The following KMT2B variants were observed in gnomAD, a reference collection of about 807,000 sequenced individuals.
The protein encoded by KMT2B is histone-lysine N-methyltransferase 2B.
A neutral mutation model predicts 255.3 loss-of-function variants in KMT2B; 22 were observed. The observed-to-expected ratio is 0.09, with a 90% CI of 0.06 to 0.12. KMT2B has a LOEUF of 0.12. Among genes scored for constraint, KMT2B ranks in the 10% least tolerant of loss-of-function variants. The pLI is 1.00. For missense variants in KMT2B, 3,149 were observed against 3,737.0 expected, an observed-to-expected ratio of 0.84 and a Z score of 4.10; for synonymous variants, 1,730 against 1,498.1, an observed-to-expected ratio of 1.15 and a Z score of -3.57.
rs1425571397 is a variant in KMT2B, at chr19:35,720,071, G to A, written c.724G>A (p.Glu242Lys). 2 of 1,608,020 alleles carry A rather than the reference G, an allele frequency of 1.2e-6. No individual in the cohort carries two copies. The highest frequency in any genetic ancestry group is 1.7e-6 in the Non-Finnish European group (2 of 1,177,238). Residue 242 changes from glutamate (E) to lysine (K), a missense_variant, in exon 3 of 37, where the codon GAA becomes AAA. Around this residue, in one of 18 missense-constraint regions of KMT2B, gnomAD observed 1,188 missense variants for 1,106.4 expected, o/e 1.07. Transcript: ENST00000420124. ...GAAGCAGCAAGCAGTAGTGGTGGCA[G>A]AAGCAGCTGTGACAATCCCCAAACC... Reference protein sequence around the residue: ...RRKQQAVVVAEAAVTIPKPEP... With the variant: ...RRKQQAVVVAKAAVTIPKPEP...
chr19:35,738,590 TC>T lies in KMT2B; in HGVS notation c.*35del, dbSNP rs745920954. On this transcript the variant is annotated 3_prime_UTR_variant, in exon 37 of 37. Transcript: ENST00000420124. The surrounding 1 kb of genome is among the most constrained non-coding windows in gnomAD (Gnocchi z 8.7). ...GCTGCCCACCACGACCCCTCACACC[TC>T]CTGCTGCCGTCGCTGCCATCTTGCC... is the stretch of plus-strand genomic sequence containing the variant. 9.4e-6 allele frequency: 15 copies of T among 1,597,010 alleles called. No individual in the cohort carries two copies. In the Admixed American group the frequency reaches 2.5e-4, roughly 27 times the overall value.
chr19:35,726,412 T>C (rs769002467), intron 14 of KMT2B, 59 bp downstream of exon 14: 124 of 1,134,898 alleles, frequency 1.1e-4, no homozygotes, highest in Non-Finnish European at 1.4e-4. Flanking sequence ...CCAGGCTCTT[T>C]TACAGGCTTT....
rs1264213973 is a variant in KMT2B, at chr19:35,723,175, A to G, written c.2903A>G (p.His968Arg). The change falls in exon 6 of 37, where the codon CAC becomes CGC. Residue 968 changes from histidine to arginine, a missense_variant. By Grantham distance (29) the His-to-Arg change is conservative. Transcript: ENST00000420124. The surrounding 1 kb of genome is among the most constrained non-coding windows in gnomAD (Gnocchi z 7.5). ...GKKMRMARCGHCRGCLRVQDC... is the reference protein window; with the variant it reads ...GKKMRMARCGRCRGCLRVQDC... ...AAGATGCGCATGGCTCGATGTGGAC[A>G]CTGTCGGGGCTGCCTACGTGTGCAG... 7 of 1,613,296 alleles carry G rather than the reference A, an allele frequency of 4.3e-6. No homozygotes were observed. The highest frequency in any genetic ancestry group is 2.2e-5 in the East Asian group (1 of 44,872).
At position 35,720,690 on chromosome 19, in the gene KMT2B, C is replaced by T; in HGVS notation, c.1343C>T (p.Pro448Leu). The T allele has an allele frequency of 6.7e-7, 1 of 1,482,290 alleles. No individual in the cohort carries two copies. Among genetic ancestry groups the T allele is most frequent in the Non-Finnish European group, 8.9e-7 (1 of 1,118,556 alleles). 91.8% of individuals were successfully genotyped at this position (1,482,290 alleles called of 1,614,324 possible). ...CCTCTACCATCCCCTCCACCGCCTC[C>T]TGCCCAAGAGGAGCAGGAGGAATCC... ...PPPLPSPPPP[P>L]AQEEQEESPP... The change falls in exon 3 of 37, where the codon CCT becomes CTT. Residue 448 changes from proline to leucine, a missense_variant. By Grantham distance (98) the Pro-to-Leu change is moderately conservative (BLOSUM62 -3). Around this residue, in one of 18 missense-constraint regions of KMT2B, gnomAD observed 1,188 missense variants for 1,106.4 expected, o/e 1.07. Transcript: ENST00000420124.
In KMT2B at chr19:35,728,010, G is replaced by C. The variant is rs756473080; in HGVS notation, c.4497+25G>C. 5 of 1,548,998 alleles carry C rather than the reference G, an allele frequency of 3.2e-6. No homozygotes were observed. In the African/African-American group the frequency reaches 5.4e-5, roughly 17 times the overall value. ...GGTGAGCTCTTCCGGGGATGCTTGTGGGGTGGGGGAGTGGGACCTTCAGAC... is the reference window on the plus strand; with the variant it reads ...GGTGAGCTCTTCCGGGGATGCTTGTCGGGTGGGGGAGTGGGACCTTCAGAC... On this transcript the variant is annotated intron_variant, in intron 18 of 36. Transcript: ENST00000420124.
In KMT2B at chr19:35,732,273, T is replaced by C; in HGVS notation, c.5724T>C (p.Ala1908=). ...CAGTGGGAGACCCGGACTTCCCAGC[T>C]CCCCCCAGACGTTCCCGTCGTCCCA... ...IPTVGDPDFP[A]PPRRSRRPSP... Residue 1908 remains alanine, a synonymous_variant, in exon 28 of 37, where the codon GCT becomes GCC. Coordinates refer to ENST00000420124, the MANE Select transcript of KMT2B (RefSeq NM_014727.3). 1.2e-6 allele frequency: 2 copies of C among 1,603,662 alleles called. No homozygotes were observed. Among genetic ancestry groups the C allele is most frequent in the Non-Finnish European group, 1.7e-6 (2 of 1,175,764 alleles).
chr19:35,738,425 T>A lies in KMT2B; in HGVS notation c.8016T>A (p.Ile2672=). Residue 2672 remains isoleucine, a synonymous_variant, in exon 37 of 37, where the codon ATT becomes ATA. Transcript: ENST00000420124. This position sits in a 1 kb window ranked among gnomAD's most constrained non-coding sequence, Gnocchi z 8.7. ...TCCACGTGGAGGGCCAGAAACACATTGTTATCTTCGCCCTGCGCCGCATCC... is the reference window on the plus strand; with the variant it reads ...TCCACGTGGAGGGCCAGAAACACATAGTTATCTTCGCCCTGCGCCGCATCC... ...RVIHVEGQKH[I]VIFALRRILR... is the part of the protein sequence containing the mutation. 1.2e-6 allele frequency: 2 copies of A among 1,614,070 alleles called. No individual in the cohort carries two copies. Among genetic ancestry groups the A allele is most frequent in the Non-Finnish European group, 1.7e-6 (2 of 1,179,972 alleles).
chr19:35,719,424 G>T (rs372794277), intron 1 of KMT2B, 45 bp from the exon 2 acceptor site: 18 of 1,385,598 alleles, frequency 1.3e-5, no homozygotes, highest in Non-Finnish European at 1.7e-5. Context: ...GAGGGCTTTG[G>T]CACTGACTGC....
At chr19:35,729,866 C>T (rs956700182) in intron 22 of KMT2B, 101 bp from the exon 23 acceptor site, 32 of 1,211,562 alleles carry the variant, frequency 2.6e-5, no homozygotes, top group East Asian at 5.1e-5. Context: ...GAGCCTTTGC[C>T]GTGCCAGGCT....
chr19:35,725,811 G>A lies in KMT2B; in HGVS notation c.3878G>A (p.Arg1293His), dbSNP rs780411851. ...CCAACCCGGGCCACGCGCAAACGGC[G>A]CCACTGGGTGAGAGATGAGGTTCAC... ...SYPTRATRKR[R>H]HWICSACVRC... Residue 1293 changes from arginine to histidine, a missense_variant, in exon 13 of 37, where the codon CGC becomes CAC. Physicochemically the swap from Arg to His is conservative, Grantham distance 29. Coordinates refer to ENST00000420124, the MANE Select transcript of KMT2B (RefSeq NM_014727.3). This position sits in a 1 kb window ranked among gnomAD's most constrained non-coding sequence, Gnocchi z 4.1. The A allele has an allele frequency of 2.8e-5, 44 of 1,573,772 alleles. No individual in the cohort carries two copies. Among genetic ancestry groups the A allele is most frequent in the Non-Finnish European group, 3.2e-5 (37 of 1,160,178 alleles).
At position 35,733,433 on chromosome 19, in the gene KMT2B, A is replaced by G. The variant is rs753331148; in HGVS notation, c.6884A>G (p.Tyr2295Cys). 1.3e-5 allele frequency: 20 copies of G among 1,555,690 alleles called. No individual in the cohort carries two copies. The East Asian group carries it at 4.4e-4, about 34-fold the overall frequency. The change falls in exon 28 of 37, where the codon TAC (tyrosine) becomes TGC (cysteine). Residue 2295 changes from tyrosine to cysteine, a missense_variant. Tyr to Cys is a radical substitution (Grantham distance 194, BLOSUM62 -2). Transcript: ENST00000420124. The surrounding 1 kb of genome is among the most constrained non-coding windows in gnomAD (Gnocchi z 4.3). ...SGRSPPAPPP[Y>C]KAPRLDEDGE... ...CGGTCCCCGCCAGCACCTCCCCCAT[A>G]CAAAGCCCCCCGGCTGGATGAAGAT... is the stretch of plus-strand genomic sequence containing the variant.
In KMT2B at chr19:35,738,572, A is replaced by G. The variant is rs763635487; in HGVS notation, c.*15A>G. 1 of 1,606,948 alleles carries G rather than the reference A, an allele frequency of 6.2e-7. No individual in the cohort carries two copies. Among genetic ancestry groups the G allele is most frequent in the Admixed American group, 1.7e-5 (1 of 59,692 alleles). ...TCCTTAACTGAGGCCGTGGCTGCCC[A>G]CCACGACCCCTCACACCTCCTGCTG... On this transcript the variant is annotated 3_prime_UTR_variant, in exon 37 of 37. Coordinates refer to ENST00000420124, the MANE Select transcript of KMT2B (RefSeq NM_014727.3). This position sits in a 1 kb window ranked among gnomAD's most constrained non-coding sequence, Gnocchi z 8.7.
intron 19 of KMT2B, among the ~76,000 whole-genome samples, chr19:35,728,521 G>A (rs1291464314): frequency 6.6e-6 from 1 of 152,046 alleles, no homozygotes; most frequent in Non-Finnish European, 1.5e-5. Context: ...CTGGAGCCGA[G>A]GTGTCAGGGA....
At position 35,733,809 on chromosome 19, in the gene KMT2B, C is replaced by T; in HGVS notation, c.7096C>T (p.Pro2366Ser). The change falls in exon 30 of 37, where the codon CCT (proline) becomes TCT (serine). Residue 2366 changes from proline (P) to serine (S), a missense_variant. Physicochemically the swap from Pro to Ser is moderately conservative, Grantham distance 74. Around this residue, in one of 18 missense-constraint regions of KMT2B, gnomAD observed 897 missense variants for 825.3 expected, o/e 1.09. Transcript: ENST00000420124. This position sits in a 1 kb window ranked among gnomAD's most constrained non-coding sequence, Gnocchi z 4.3. ...SPLLPLPEDG[P>S]PQVPDGPPDL... ...TTTGCTGCCACTTCCGGAAGATGGT[C>T]CTCCCCAGGTCCCCGATGGTCCCCC... The T allele has an allele frequency of 6.2e-7, 1 of 1,613,688 alleles. No homozygotes were observed. Among genetic ancestry groups the T allele is most frequent in the Non-Finnish European group, 8.5e-7 (1 of 1,179,738 alleles).
chr19:35,733,451 A>G lies in KMT2B; in HGVS notation c.6902A>G (p.Asp2301Gly). The G allele has an allele frequency of 6.4e-7, 1 of 1,560,248 alleles. No homozygotes were observed. The highest frequency in any genetic ancestry group is 8.7e-7 in the Non-Finnish European group (1 of 1,152,500). The stretch of plus-strand genomic sequence containing the variant: ...CCCCCATACAAAGCCCCCCGGCTGG[A>G]TGAAGATGGAGAGGCCTCAGAGGAT... ...APPPYKAPRL[D>G]EDGEASEDTP... Residue 2301 changes from aspartate (D) to glycine (G), a missense_variant, in exon 28 of 37, where the codon GAT becomes GGT. Physicochemically the swap from Asp to Gly is moderately conservative, Grantham distance 94. Around this residue, in one of 18 missense-constraint regions of KMT2B, gnomAD observed 897 missense variants for 825.3 expected, o/e 1.09. Coordinates refer to ENST00000420124, the MANE Select transcript of KMT2B (RefSeq NM_014727.3). This position sits in a 1 kb window ranked among gnomAD's most constrained non-coding sequence, Gnocchi z 4.3.
At chr19:35,730,206 T>C in intron 23 of KMT2B, 81 bp downstream of exon 23, 4 of 1,601,278 alleles carry the variant, frequency 2.5e-6, no homozygotes, top group Non-Finnish European at 2.6e-6. Context: ...CCCCCAGGCC[T>C]GGCCCTACTG....
Position 35,719,917 on chromosome 19 carries a change from G to A in KMT2B, c.570G>A (p.Val190=), listed in dbSNP as rs1599668366. 1 of 1,613,448 alleles carries A rather than the reference G, an allele frequency of 6.2e-7. No homozygotes were observed. Among genetic ancestry groups the A allele is most frequent in the South Asian group, 1.1e-5 (1 of 91,072 alleles). The change falls in exon 3 of 37, where the codon GTG becomes GTA. Residue 190 remains valine (V), a synonymous_variant. Coordinates refer to ENST00000420124, the MANE Select transcript of KMT2B (RefSeq NM_014727.3). ...KRGEEGTERM[V]QALTELLRRA... ...GTGAGGAAGGCACAGAACGGATGGT[G>A]CAGGCACTGACTGAACTTCTCCGGC...
At position 35,725,724 on chromosome 19, in the gene KMT2B, A is replaced by G. The variant is rs747950485; in HGVS notation, c.3791A>G (p.His1264Arg). The G allele has an allele frequency of 3.1e-6, 5 of 1,610,542 alleles. No individual in the cohort carries two copies. In the East Asian group the frequency reaches 1.1e-4, roughly 36 times the overall value. ...VCGRKGRGSK[H>R]LLECERCRHA... is the part of the protein sequence containing the mutation. ...CATCTCTGTCTCCACATCCAACAGC[A>G]CCTCCTGGAGTGCGAGCGCTGCCGC... The change falls in exon 13 of 37, where the codon CAC becomes CGC. Residue 1264 changes from histidine to arginine, a missense_variant and splice_region_variant. Transcript: ENST00000420124. This position sits in a 1 kb window ranked among gnomAD's most constrained non-coding sequence, Gnocchi z 4.1.
Position 35,718,530 on chromosome 19 carries a change from G to C in KMT2B, c.363+149G>C. On this transcript the variant is annotated intron_variant, in intron 1 of 36. Transcript: ENST00000420124. This position sits in a 1 kb window ranked among gnomAD's most constrained non-coding sequence, Gnocchi z 5.0. The stretch of plus-strand genomic sequence containing the variant: ...CACGGAGGGAGGGCGGCTGCATGCA[G>C]CTTCCGGGGGAAAGGGCCTCTGGAA... 1 of 987,176 alleles carries C rather than the reference G, an allele frequency of 1.0e-6. No individual in the cohort carries two copies. Among genetic ancestry groups the C allele is most frequent in the Non-Finnish European group, 1.3e-6 (1 of 773,190 alleles). 61.2% of individuals were successfully genotyped at this position (987,176 alleles called of 1,614,324 possible).
Sources: gnomAD v4.1 joint callset for allele counts (sites outside exome capture counted in the v4.1 genomes callset) on GRCh38, gnomAD v4.1.1 for gene constraint, gnomAD v4.1.1 regional missense constraint, Gnocchi (gnomAD v3.1) non-coding constraint, MANE v1.5 for transcripts, NCBI Gene and HGNC (gene_info 2026-07-23, HGNC 2026-07-21) for gene names.